ABI3BP: variants seen among roughly 807,000 people sequenced by gnomAD.
The protein encoded by ABI3BP is target of Nesh-SH3.
A neutral mutation model predicts 268.6 loss-of-function variants in ABI3BP; 216 were observed. The ratio of observed to expected loss-of-function variants is 0.80; its 90% confidence interval spans 0.72 to 0.90. ABI3BP has a LOEUF of 0.90. Ranked by LOEUF, ABI3BP falls within the 40% of genes least tolerant of loss-of-function variation. The probability of loss-of-function intolerance (pLI) is 0.00; values close to 1 mark genes in which losing one functional copy is unlikely to be tolerated. For synonymous variants in ABI3BP, 730 were observed against 730.0 expected, an observed-to-expected ratio of 1.00 and a Z score of 0.00; for missense variants, 2,090 against 2,182.4, an observed-to-expected ratio of 0.96 and a Z score of 0.84.
intron 1 of ABI3BP, among the ~76,000 whole-genome samples, chr3:100,935,349 G>A (rs887543872): frequency 6.6e-6 from 1 of 152,018 alleles, no homozygotes; most frequent in Non-Finnish European, 1.5e-5. Context: ...ATCTGTTTTG[G>A]TACAAGTACC....
intron 34 of ABI3BP, among the ~76,000 whole-genome samples, chr3:100,827,783 G>A (rs886902576): frequency 2.0e-5 from 3 of 152,070 alleles, no homozygotes; most frequent in African/African-American, 4.8e-5. Context: ...ATCACATTCT[G>A]TAGAGTGCCC....
At chr3:100,902,580 T>C (rs2050955761) in intron 3 of ABI3BP, 38 bp downstream of exon 3, 1 of 1,594,782 alleles carries the variant, frequency 6.3e-7, no homozygotes, top group African/African-American at 1.3e-5. Flanking sequence ...TGGTTCAAAG[T>C]TCATAAAAGA....
At chr3:100,906,118 T>G (rs984925832) in intron 2 of ABI3BP, among the ~76,000 whole-genome samples, 1 of 152,214 alleles carries the variant, frequency 6.6e-6, no homozygotes, top group East Asian at 1.9e-4. Context: ...CTCTTAGAGT[T>G]AACCTTTTAG....
chr3:100,945,751 C>T, intron 1 of ABI3BP: 1 of 377,670 alleles, frequency 2.6e-6, no homozygotes, highest in Non-Finnish European at 5.2e-6. Flanking sequence ...GGATTGTTTC[C>T]AGTTTTAGCT....
Position 100,775,194 on chromosome 3 carries a change from T to C in ABI3BP, c.4462+13A>G. ...CAGCTAAGTATCCAGTGAGAACTGA[T>C]GGCCATACGAACCCAGTTCTTCTCC... is the stretch of plus-strand genomic sequence containing the variant. On this transcript the variant is annotated intron_variant, in intron 60 of 67. Transcript: ENST00000471714. The C allele has an allele frequency of 6.2e-7, 1 of 1,612,356 alleles. No homozygotes were observed. The highest frequency in any genetic ancestry group is 8.5e-7 in the Non-Finnish European group (1 of 1,179,214).
rs2099032007 is a variant in ABI3BP, at chr3:100,864,650, G to A, written c.1063+183C>T. The A allele has an allele frequency of 8.8e-6, 5 of 568,460 alleles. No homozygotes were observed. In the South Asian group the frequency reaches 1.2e-4, roughly 13 times the overall value. 35.2% of individuals were successfully genotyped at this position (568,460 alleles called of 1,614,324 possible). The stretch of plus-strand genomic sequence containing the variant: ...TTCAGTCACCAGGATCAGCCATGTG[G>A]TTAACTCTTCAGTGGAATCTGTCCA... On this transcript the variant is annotated intron_variant, in intron 11 of 67. Coordinates refer to ENST00000471714, the MANE Select transcript of ABI3BP (RefSeq NM_001375547.2).
intron 28 of ABI3BP, among the ~76,000 whole-genome samples, chr3:100,835,001 T>C (rs1484770844): frequency 1.3e-5 from 2 of 152,148 alleles, no homozygotes; most frequent in African/African-American, 4.8e-5. Context: ...ACTGCAACTT[T>C]ATTATTAGTT....
At chr3:100,813,798 C>T in intron 44 of ABI3BP, 63 bp from the exon 45 acceptor site, 1 of 1,334,554 alleles carries the variant, frequency 7.5e-7, no homozygotes, top group Non-Finnish European at 1.0e-6. Context: ...AGGTTTTAGA[C>T]AGAGGTAGCA....
intron 6 of ABI3BP, among the ~76,000 whole-genome samples, chr3:100,882,366 G>C (rs570306014): frequency 1.3e-5 from 2 of 151,586 alleles, no homozygotes; most frequent in East Asian, 3.9e-4. Flanking sequence ...CATGGTCAAA[G>C]TTATCCCATG....
At chr3:100,831,930 C>T (rs1385393111) in intron 31 of ABI3BP, among the ~76,000 whole-genome samples, 1 of 152,180 alleles carries the variant, frequency 6.6e-6, no homozygotes, top group Non-Finnish European at 1.5e-5. Flanking sequence ...ATTCTTCCCA[C>T]TTCTGATGTA....
intron 63 of ABI3BP, among the ~76,000 whole-genome samples, chr3:100,758,977 T>C (rs2095794362): frequency 6.6e-6 from 1 of 152,196 alleles, no homozygotes; most frequent in Non-Finnish European, 1.5e-5. Flanking sequence ...CCCTACCCCG[T>C]TTTGATCCTT....
At chr3:100,882,100 C>G (rs1417876310) in intron 6 of ABI3BP, among the ~76,000 whole-genome samples, 2 of 151,992 alleles carry the variant, frequency 1.3e-5, no homozygotes, top group East Asian at 3.9e-4. Context: ...GGAAGGTGTT[C>G]AAGAGTTTTT....
chr3:100,756,289 C>T (rs1456587035), intron 63 of ABI3BP, among the ~76,000 whole-genome samples: 3 of 152,190 alleles, frequency 2.0e-5, no homozygotes, highest in Non-Finnish European at 4.4e-5. Flanking sequence ...CTTCGGGAGG[C>T]CGAGGCAGGC....
chr3:100,799,806 C>G (rs7624730), intron 51 of ABI3BP, among the ~76,000 whole-genome samples: 21,060 of 152,192 alleles, frequency 0.14, 1,898 homozygotes, highest in South Asian at 0.27. Flanking sequence ...TATTATCCAA[C>G]ATTTAAGAAC....
intron 40 of ABI3BP, 98 bp from the exon 41 acceptor site, chr3:100,818,679 T>C: frequency 2.0e-6 from 2 of 1,001,340 alleles, no homozygotes; most frequent in Non-Finnish European, 1.5e-6. Context: ...TTTAAGAAAT[T>C]TTCTGAAACT....
At position 100,825,830 on chromosome 3, in the gene ABI3BP, G is replaced by A. The variant is rs2098371838; in HGVS notation, c.2617C>T (p.Leu873Phe). 5.9e-6 allele frequency: 9 copies of A among 1,534,936 alleles called. No homozygotes were observed. The East Asian group carries it at 9.8e-5, about 17-fold the overall frequency. The part of the protein sequence containing the change: ...PGTTFVPVTD[L>F]EPVTFRTEIP... ...TCAGTTCTAAAAGTAACAGGCTCGA[G>A]GTCTGTAACAGGAACTGAAGTAATA... Residue 873 changes from leucine to phenylalanine, a missense_variant, in exon 35 of 68, where the codon CTC becomes TTC. Coordinates refer to ENST00000471714, the MANE Select transcript of ABI3BP (RefSeq NM_001375547.2).
chr3:100,899,371 T>C (rs1040382861), intron 3 of ABI3BP, among the ~76,000 whole-genome samples: 8 of 152,204 alleles, frequency 5.3e-5, no homozygotes, highest in Non-Finnish European at 1.0e-4. Context: ...ATTATCTAGA[T>C]TGTAGGTTAT....
intron 7 of ABI3BP, among the ~76,000 whole-genome samples, chr3:100,876,013 T>G (rs1389844183): frequency 6.6e-6 from 1 of 152,168 alleles, no homozygotes; most frequent in Non-Finnish European, 1.5e-5. Context: ...TTTCTGAAAA[T>G]GAAGAACTAT....
intron 6 of ABI3BP, among the ~76,000 whole-genome samples, chr3:100,877,432 C>A (rs1016455653): frequency 1.5e-4 from 23 of 152,210 alleles, no homozygotes; most frequent in African/African-American, 4.6e-4. Flanking sequence ...AACCATTCTG[C>A]ACATGTTTAT....
Sources: allele counts gnomAD v4.1 joint callset (sites outside exome capture counted in the v4.1 genomes callset), GRCh38; gene constraint gnomAD v4.1.1; transcripts MANE v1.5; gene names NCBI Gene and HGNC (gene_info 2026-07-23, HGNC 2026-07-21).